UHMK1: variants seen among roughly 807,000 people sequenced by gnomAD.
The protein encoded by UHMK1 is U2AF homology motif kinase 1, also known as serine/threonine-protein kinase Kist.
UHMK1 carries 18 observed loss-of-function variants against 44.0 expected under a neutral mutation model. That is an observed-to-expected ratio of 0.41 (90% CI 0.28 to 0.61). The LOEUF is 0.61. UHMK1 is among the 20% of genes least tolerant of loss of function. The pLI, the probability that UHMK1 is intolerant of heterozygous loss-of-function variation, is 0.31. For synonymous variants in UHMK1, 231 were observed against 198.5 expected (o/e 1.16, Z -1.38); for missense variants, 463 against 522.5 (o/e 0.89, Z 1.11).
At position 162,512,588 on chromosome 1, in the gene UHMK1, AT is replaced by A; in HGVS notation, c.925+14del. 1 of 1,607,268 alleles carries A rather than the reference AT, an allele frequency of 6.2e-7. No homozygotes were observed. The highest frequency in any genetic ancestry group is 8.5e-7 in the Non-Finnish European group (1 of 1,178,334). Reference sequence around the variant, plus strand: ...TAGCATTCCTTTTGGTAAGTTGTGTATTCTTTTATTTTTTTCTTGGTCATTT... The same window carrying A: ...TAGCATTCCTTTTGGTAAGTTGTGTATCTTTTATTTTTTTCTTGGTCATTT... On this transcript the variant is annotated intron_variant, in intron 5 of 7. Transcript: ENST00000489294.
intron 5 of UHMK1, 49 bp from the exon 6 acceptor site, chr1:162,512,676 C>G: frequency 6.2e-7 from 1 of 1,607,956 alleles, no homozygotes; most frequent in Non-Finnish European, 8.5e-7. Context: ...TGGTGTTCAA[C>G]TTATTTGGGG....
At position 162,522,751 on chromosome 1, in the gene UHMK1, A is replaced by T. The variant is rs1652105312; in HGVS notation, c.*201A>T. 1 of 526,774 alleles carries T rather than the reference A, an allele frequency of 1.9e-6. No homozygotes were observed. The highest frequency in any genetic ancestry group is 1.9e-5 in the African/African-American group (1 of 52,394). 32.6% of individuals were successfully genotyped at this position (526,774 alleles called of 1,614,324 possible). A position where few individuals can be genotyped will look rare whatever the true frequency, so the allele number is the denominator to read the frequency against. On this transcript the variant is annotated 3_prime_UTR_variant, in exon 8 of 8. Transcript: ENST00000489294. ...GTAGGACAAGACCTCTCAGCTATACATTGAGGGGTTTTAGAGCATCCATGT... is the reference window on the plus strand; with the variant it reads ...GTAGGACAAGACCTCTCAGCTATACTTTGAGGGGTTTTAGAGCATCCATGT...
chr1:162,499,389 A>G (rs1651186001), intron 1 of UHMK1, among the ~76,000 whole-genome samples: 1 of 151,824 alleles, frequency 6.6e-6, no homozygotes, highest in Admixed American at 6.6e-5. Flanking sequence ...TGGTCTCCAA[A>G]CTCCTGGGCT....
chr1:162,497,847 T>G lies in UHMK1; in HGVS notation c.-154T>G. 1 of 1,365,814 alleles carries G rather than the reference T, an allele frequency of 7.3e-7. No homozygotes were observed. Among genetic ancestry groups the G allele is most frequent in the Non-Finnish European group, 9.4e-7 (1 of 1,064,372 alleles). 84.6% of individuals were successfully genotyped at this position (1,365,814 alleles called of 1,614,324 possible). On this transcript the variant is annotated 5_prime_UTR_variant, in exon 1 of 8. Transcript: ENST00000489294. ...CTCGGGTGCACCACGGCTTCCGGTG[T>G]CATGGCTGCTTGAAGTCCCGGGAGT...
At chr1:162,504,610 T>C (rs559780871) in intron 4 of UHMK1, among the ~76,000 whole-genome samples, 7 of 152,196 alleles carry the variant, frequency 4.6e-5, no homozygotes, top group Non-Finnish European at 8.8e-5. Flanking sequence ...AAAAATGGTA[T>C]ACCTTATAGG....
intron 4 of UHMK1, among the ~76,000 whole-genome samples, chr1:162,505,630 C>T (rs541508132): frequency 2.6e-5 from 4 of 152,272 alleles, no homozygotes; most frequent in African/African-American, 4.8e-5. Flanking sequence ...TTTATGAGAT[C>T]GCTGTCATAT....
chr1:162,497,721 C>G (rs1651097104), upstream of UHMK1: 1 of 1,135,354 alleles, frequency 8.8e-7, no homozygotes, highest in African/African-American at 1.6e-5. Flanking sequence ...GTTCTTTTTT[C>G]CAAACCTAGC....
chr1:162,513,381 A>G (rs776940088), intron 6 of UHMK1, among the ~76,000 whole-genome samples: 4 of 152,018 alleles, frequency 2.6e-5, no homozygotes, highest in Non-Finnish European at 5.9e-5. Context: ...GCATTTCTCC[A>G]TTTTAGCTCT....
rs1652308250 is a variant in UHMK1, at chr1:162,527,976, T to A, written c.*5426T>A. ...TCTTTATGTGAAAAATCAGAGCTAC[T>A]TGTTACCATAAGCCCTTACTATCAA... On this transcript the variant is annotated 3_prime_UTR_variant, in exon 8 of 8. Transcript: ENST00000489294. 6.6e-6 allele frequency: 1 copy of A among 152,020 alleles called. No individual in the cohort carries two copies. Among genetic ancestry groups the A allele is most frequent in the African/African-American group, 2.4e-5 (1 of 41,424 alleles). The allele number at this position is 152,020 out of a possible 1,614,324, so 9.4% of individuals were successfully genotyped here. A position where few individuals can be genotyped will look rare whatever the true frequency, so the allele number is the denominator to read the frequency against.
chr1:162,515,444 G>T (rs551713606), intron 6 of UHMK1, among the ~76,000 whole-genome samples: 1 of 152,226 alleles, frequency 6.6e-6, no homozygotes, highest in East Asian at 1.9e-4. Flanking sequence ...AAATGTTACA[G>T]ATAAGGCTAA....
chr1:162,515,673 C>T (rs943696326), intron 6 of UHMK1, among the ~76,000 whole-genome samples: 28 of 152,318 alleles, frequency 1.8e-4, no homozygotes, highest in African/African-American at 5.8e-4. Flanking sequence ...TTTTAGTCTT[C>T]GTCTTTGTAA....
At chr1:162,510,843 T>G (rs536517313) in intron 4 of UHMK1, among the ~76,000 whole-genome samples, 1 of 152,264 alleles carries the variant, frequency 6.6e-6, no homozygotes, top group South Asian at 2.1e-4. Context: ...GTGGGATTGC[T>G]GGTAGTTCTT....
In UHMK1 at chr1:162,500,972, C is replaced by G. The variant is rs1651245594; in HGVS notation, c.621C>G (p.Cys207Trp). 6.2e-7 allele frequency: 1 copy of G among 1,613,928 alleles called. No individual in the cohort carries two copies. Among genetic ancestry groups the G allele is most frequent in the African/African-American group, 1.3e-5 (1 of 74,900 alleles). ...YRAPEAELQN[C>W]LAQAGLQSDT... ...CTCCAGAAGCAGAATTGCAAAATTG[C>G]TTGGCCCAGGCTGGCCTGCAGAGTG... Residue 207 changes from cysteine (C) to tryptophan (W), a missense_variant, in exon 3 of 8, where the codon TGC becomes TGG. Around this residue, in one of 3 missense-constraint regions of UHMK1, gnomAD observed 264 missense variants for 326.3 expected, o/e 0.81. Coordinates refer to ENST00000489294, the MANE Select transcript of UHMK1 (RefSeq NM_175866.5).
intron 6 of UHMK1, among the ~76,000 whole-genome samples, chr1:162,516,131 T>C (rs1651828157): frequency 2.0e-5 from 3 of 152,358 alleles, no homozygotes; most frequent in Middle Eastern, 6.8e-3. Context: ...TGACTTTTTT[T>C]CCACTTTTAA....
rs1652206294 is a variant in UHMK1, at chr1:162,525,244, T to C, written c.*2694T>C. ...TACAAGTTTCATGATTAGGATGAAA[T>C]ATATACATAGGGATTTTGGTTTATT... On this transcript the variant is annotated 3_prime_UTR_variant, in exon 8 of 8. Transcript: ENST00000489294. 1.3e-5 allele frequency: 2 copies of C among 152,154 alleles called. No individual in the cohort carries two copies. The highest frequency in any genetic ancestry group is 2.9e-5 in the Non-Finnish European group (2 of 68,034). 9.4% of individuals were successfully genotyped at this position (152,154 alleles called of 1,614,324 possible). A position where few individuals can be genotyped will look rare whatever the true frequency, so the allele number is the denominator to read the frequency against.
chr1:162,518,421 G>A lies in UHMK1; in HGVS notation c.1113+231G>A, dbSNP rs183152825. On this transcript the variant is annotated intron_variant, in intron 7 of 7. Transcript: ENST00000489294. The stretch of plus-strand genomic sequence containing the variant: ...TTTTTTTTTTTTAAATATTGGCTGG[G>A]TGTGGTGGTTACGCCTGTAATCCCA... Among the ~76,000 whole-genome samples, 783 of 151,702 alleles carry A rather than the reference G, an allele frequency of 5.2e-3. 5 individuals carry two copies. Among genetic ancestry groups the A allele is most frequent in the Admixed American group, 0.011 (170 of 15,224 alleles).
intron 1 of UHMK1, among the ~76,000 whole-genome samples, chr1:162,499,123 A>G (rs10494370): frequency 0.12 from 18,047 of 152,180 alleles, 1,262 homozygotes; most frequent in East Asian, 0.27. Flanking sequence ...ATTTCATCCG[A>G]AAAGTCTTAA....
At chr1:162,498,401 C>T (rs1324239435) in intron 1 of UHMK1, 133 bp downstream of exon 1, 2 of 1,114,958 alleles carry the variant, frequency 1.8e-6, no homozygotes, top group East Asian at 2.7e-5. Context: ...TCACCCCATC[C>T]AGGCCCCTTT....
At chr1:162,512,444 G>T in intron 4 of UHMK1, 56 bp from the exon 5 acceptor site, 3 of 1,405,908 alleles carry the variant, frequency 2.1e-6, no homozygotes, top group Non-Finnish European at 2.0e-6. Context: ...TTCTTTAATG[G>T]TTGCATTTTC....
Sources: allele counts gnomAD v4.1 joint callset (sites outside exome capture counted in the v4.1 genomes callset), GRCh38; gene constraint gnomAD v4.1.1; regional missense constraint gnomAD v4.1.1; transcripts MANE v1.5; gene names NCBI Gene and HGNC (gene_info 2026-07-23, HGNC 2026-07-21).